The following DOCK2 variants were observed in gnomAD, a reference collection of about 807,000 sequenced individuals.
The protein encoded by DOCK2 is dedicator of cytokinesis protein 2.
Under a neutral mutation model 248.9 loss-of-function variants are expected in DOCK2, and 87 were observed. The observed-to-expected ratio is 0.35, with a 90% CI of 0.29 to 0.42. The LOEUF is 0.42. Among genes scored for constraint, DOCK2 ranks in the 10% least tolerant of loss-of-function variants. The probability of loss-of-function intolerance (pLI) is 1.00; values close to 1 mark genes in which losing one functional copy is unlikely to be tolerated. For synonymous variants in DOCK2, 805 were observed against 821.6 expected (o/e 0.98, Z 0.35); for missense variants, 1,747 against 2,300.2 (o/e 0.76, Z 4.92).
At chr5:169,741,718 C>T (rs545467299) in intron 22 of DOCK2, among the ~76,000 whole-genome samples, 4 of 151,960 alleles carry the variant, frequency 2.6e-5, no homozygotes, top group African/African-American at 4.8e-5. Context: ...CCCTGGATAA[C>T]GGATGCCTCC....
chr5:169,647,623 A>C (rs1312590097), intron 1 of DOCK2, among the ~76,000 whole-genome samples: 1 of 152,050 alleles, frequency 6.6e-6, no homozygotes, highest in Non-Finnish European at 1.5e-5. Context: ...GGACTCCATT[A>C]AGATGGCCCT....
intron 22 of DOCK2, among the ~76,000 whole-genome samples, chr5:169,740,858 CAG>C (rs1282161861): frequency 6.6e-6 from 1 of 152,128 alleles, no homozygotes; most frequent in Admixed American, 6.5e-5. Flanking sequence ...TTTTTGGAGA[CAG>C]GGTCTCATTG....
chr5:169,959,373 G>GAAA (rs796836948), intron 27 of DOCK2, among the ~76,000 whole-genome samples: 3 of 135,342 alleles, frequency 2.2e-5, no homozygotes, highest in African/African-American at 7.9e-5. Context: ...CGTCTCAAAA[G>GAAA]AAAAAAAAAA....
Position 170,083,076 on chromosome 5 carries a change from A to G in DOCK2, c.*218A>G. ...GATCATGGTGGATGAGGAAGCCTCA[A>G]CGTAGATTCCTGAACTCAAGGTACC... On this transcript the variant is annotated 3_prime_UTR_variant, in exon 52 of 52. Transcript: ENST00000520908. 1.7e-6 allele frequency: 1 copy of G among 574,262 alleles called. No homozygotes were observed. Among genetic ancestry groups the G allele is most frequent in the Non-Finnish European group, 3.1e-6 (1 of 326,482 alleles). The allele number at this position is 574,262 out of a possible 1,614,324, so 35.6% of individuals were successfully genotyped here. A position where few individuals can be genotyped will look rare whatever the true frequency, so the allele number is the denominator to read the frequency against.
At chr5:169,844,709 T>G (rs1400268726) in intron 27 of DOCK2, among the ~76,000 whole-genome samples, 2 of 151,786 alleles carry the variant, frequency 1.3e-5, no homozygotes, top group African/African-American at 4.8e-5. Context: ...ATGAATGATA[T>G]TGATCACATT....
chr5:169,669,788 C>T (rs923460429), intron 3 of DOCK2, among the ~76,000 whole-genome samples: 4 of 152,180 alleles, frequency 2.6e-5, no homozygotes, highest in African/African-American at 4.8e-5. Flanking sequence ...TGAGAGCAGG[C>T]GCTTGCTTTG....
In DOCK2 at chr5:169,983,010, G is replaced by T. The variant is rs1373791596; in HGVS notation, c.2800-58G>T. ...GCCATAAGGAGACATTTTCTCACAG[G>T]GAAGTTTTCCATGGTCCTCTCTCAA... On this transcript the variant is annotated intron_variant, in intron 27 of 51. Transcript: ENST00000520908. 9 of 1,559,264 alleles carry T rather than the reference G, an allele frequency of 5.8e-6. No individual in the cohort carries two copies. The East Asian group carries it at 2.0e-4, about 35-fold the overall frequency.
chr5:169,779,908 G>A (rs1454853086), intron 25 of DOCK2, among the ~76,000 whole-genome samples: 3 of 151,984 alleles, frequency 2.0e-5, no homozygotes, highest in Non-Finnish European at 2.9e-5. Flanking sequence ...CTGTGGCCCC[G>A]TAGAGAGTGT....
intron 3 of DOCK2, among the ~76,000 whole-genome samples, chr5:169,669,958 T>C (rs1165303448): frequency 2.6e-5 from 4 of 152,208 alleles, no homozygotes; most frequent in African/African-American, 7.2e-5. Context: ...TTCTTCCTTC[T>C]TCCCTGACAT....
At chr5:170,018,016 T>C (rs1383551986) in intron 32 of DOCK2, among the ~76,000 whole-genome samples, 1 of 152,264 alleles carries the variant, frequency 6.6e-6, no homozygotes, top group African/African-American at 2.4e-5. Flanking sequence ...TGATAAGTCC[T>C]GTGCTCAGTG....
At chr5:170,052,524 T>A (rs1461151884) in intron 41 of DOCK2, among the ~76,000 whole-genome samples, 1 of 152,184 alleles carries the variant, frequency 6.6e-6, no homozygotes, top group Admixed American at 6.5e-5. Flanking sequence ...GAGGGCTTTA[T>A]ATCCTATAAA....
chr5:169,951,858 G>A (rs1416460160), intron 27 of DOCK2, among the ~76,000 whole-genome samples: 2 of 152,068 alleles, frequency 1.3e-5, no homozygotes, highest in African/African-American at 2.4e-5. Flanking sequence ...TAGGAAACTT[G>A]CCCAAGATCA....
intron 26 of DOCK2, among the ~76,000 whole-genome samples, chr5:169,807,681 A>C (rs35515455): frequency 0.15 from 23,317 of 151,268 alleles, 2,126 homozygotes; most frequent in Admixed American, 0.22. Flanking sequence ...AAAAATACAA[A>C]AAATTAGCTG....
intron 10 of DOCK2, among the ~76,000 whole-genome samples, chr5:169,697,877 G>C (rs1760724553): frequency 6.6e-6 from 1 of 152,086 alleles, no homozygotes; most frequent in Admixed American, 6.6e-5. Flanking sequence ...GGTTTCAGAG[G>C]ATCCAGGATA....
chr5:169,750,209 G>A (rs1162743564), intron 23 of DOCK2, among the ~76,000 whole-genome samples: 1 of 152,192 alleles, frequency 6.6e-6, no homozygotes, highest in African/African-American at 2.4e-5. Context: ...TAATTTTGGA[G>A]CTACTCTTTC....
intron 26 of DOCK2, among the ~76,000 whole-genome samples, chr5:169,833,779 G>A (rs369127316): frequency 6.6e-6 from 1 of 152,194 alleles, no homozygotes; most frequent in East Asian, 1.9e-4. Context: ...ATCTCCTAGC[G>A]CACTGGTGGC....
At position 169,938,436 on chromosome 5, in the gene DOCK2, C is replaced by T. The variant is rs371123415; in HGVS notation, c.2800-44632C>T. Among the ~76,000 whole-genome samples, 58 of 152,284 alleles carry T rather than the reference C, an allele frequency of 3.8e-4. No individual in the cohort carries two copies. The South Asian group carries it at 8.7e-3, about 23-fold the overall frequency. ...TATAAGGTAGAGCCTATTGCTCCTA[C>T]GCTGTAAACCTGTATAGCATGTTAC... On this transcript the variant is annotated intron_variant, in intron 27 of 51. Coordinates refer to ENST00000520908, the MANE Select transcript of DOCK2 (RefSeq NM_004946.3).
rs189623313 is a variant in DOCK2 at position 169,853,991 on chromosome 5, A to G, written c.2799+13139A>G. On this transcript the variant is annotated intron_variant, in intron 27 of 51. Coordinates refer to ENST00000520908, the MANE Select transcript of DOCK2 (RefSeq NM_004946.3). ...GCTGGGACTACAGGCGCCCACCACC[A>G]TGCTGGGCTAATTTTTTGTGTTATT... is the stretch of plus-strand genomic sequence containing the variant. Among the ~76,000 whole-genome samples the G allele has an allele frequency of 9.9e-3, 1,499 of 150,660 alleles. 5 individuals carry two copies. Among genetic ancestry groups the G allele is most frequent in the Non-Finnish European group, 0.015 (1,012 of 67,630 alleles).
At chr5:169,949,193 A>G (rs180881701) in intron 27 of DOCK2, among the ~76,000 whole-genome samples, 113 of 152,340 alleles carry the variant, frequency 7.4e-4, no homozygotes, top group Non-Finnish European at 1.4e-3. Flanking sequence ...CTGATTATCA[A>G]TTCAACTCCA....
Sources: allele counts gnomAD v4.1 joint callset (sites outside exome capture counted in the v4.1 genomes callset), GRCh38; gene constraint gnomAD v4.1.1; transcripts MANE v1.5; gene names NCBI Gene and HGNC (gene_info 2026-07-23, HGNC 2026-07-21).